Variants in GNAI1 observed in about 807,000 individuals in gnomAD.
GNAI1 encodes G protein subunit alpha i1.
Under a neutral mutation model 38.9 loss-of-function variants are expected in GNAI1, and 11 were observed. The ratio of observed to expected loss-of-function variants is 0.28; its 90% CI spans 0.18 to 0.47. The LOEUF (loss-of-function observed/expected upper bound fraction) is 0.47, where lower values mean the gene tolerates loss of function less well. GNAI1 is among the 20% of genes least tolerant of loss of function. The pLI, the probability that GNAI1 is intolerant of heterozygous loss-of-function variation, is 0.99. For synonymous variants in GNAI1, 166 were observed against 145.1 expected, an observed-to-expected ratio of 1.14 and a Z score of -1.04; for missense variants, 317 against 436.9, an observed-to-expected ratio of 0.73 and a Z score of 2.45.
chr7:80,152,649 C>T (rs1055059033), intron 1 of GNAI1, among the ~76,000 whole-genome samples: 1 of 146,586 alleles, frequency 6.8e-6, no homozygotes, highest in African/African-American at 2.5e-5. Flanking sequence ...CAACCTCCAA[C>T]TTCCGGGTTC....
intron 1 of GNAI1, among the ~76,000 whole-genome samples, chr7:80,164,039 C>CTT (rs35826632): frequency 0.017 from 1,079 of 62,942 alleles, 114 homozygotes; most frequent in African/African-American, 0.03. Flanking sequence ...CTGGTGCTTT[C>CTT]TTTTTTTTTT....
At chr7:80,210,878 A>C in intron 5 of GNAI1, 91 bp from the exon 6 acceptor site, 1 of 1,089,934 alleles carries the variant, frequency 9.2e-7, no homozygotes, top group Non-Finnish European at 1.3e-6. Flanking sequence ...CATTTCCACA[A>C]CTATTCAGAG....
chr7:80,159,208 G>T (rs1255523283), intron 1 of GNAI1, among the ~76,000 whole-genome samples: 1 of 152,002 alleles, frequency 6.6e-6, no homozygotes, highest in Non-Finnish European at 1.5e-5. Context: ...ACAATTTTTT[G>T]GGGGGGCTTA....
intron 1 of GNAI1, among the ~76,000 whole-genome samples, chr7:80,178,911 C>G (rs561340000): frequency 1.6e-4 from 24 of 152,250 alleles, no homozygotes; most frequent in African/African-American, 5.1e-4. Flanking sequence ...ATAAGACTAT[C>G]CATAATTATA....
intron 3 of GNAI1, among the ~76,000 whole-genome samples, chr7:80,198,903 T>C (rs980339168): frequency 2.6e-5 from 4 of 152,170 alleles, no homozygotes; most frequent in Non-Finnish European, 5.9e-5. Context: ...AAAATGATCA[T>C]CTTCAATACA....
intron 1 of GNAI1, among the ~76,000 whole-genome samples, chr7:80,164,972 A>C (rs768803743): frequency 2.0e-5 from 3 of 152,228 alleles, no homozygotes; most frequent in Non-Finnish European, 4.4e-5. Flanking sequence ...GAAAAAGCTA[A>C]AGATGACATT....
chr7:80,207,310 A>C (rs1788792828), intron 5 of GNAI1, among the ~76,000 whole-genome samples: 1 of 152,168 alleles, frequency 6.6e-6, no homozygotes, highest in East Asian at 1.9e-4. Context: ...ACTCTTAAAC[A>C]TTTATTTCAG....
chr7:80,187,700 TCAAA>T (rs746650352), intron 1 of GNAI1, among the ~76,000 whole-genome samples: 68 of 152,262 alleles, frequency 4.5e-4, no homozygotes, highest in Admixed American at 1.4e-3. Context: ...GCCCGGTGTC[TCAAA>T]CAGTCATAAA....
At chr7:80,162,724 C>A (rs188555936) in intron 1 of GNAI1, among the ~76,000 whole-genome samples, 14 of 152,256 alleles carry the variant, frequency 9.2e-5, no homozygotes, top group Admixed American at 9.2e-4. Flanking sequence ...GGTTAAGATA[C>A]ATACCTGGGA....
chr7:80,210,937 A>G lies in GNAI1; in HGVS notation c.591-32A>G, dbSNP rs898219537. 4.4e-6 allele frequency: 7 copies of G among 1,600,370 alleles called. No homozygotes were observed. The African/African-American group carries it at 9.4e-5, about 21-fold the overall frequency. On this transcript the variant is annotated intron_variant, in intron 5 of 7. Coordinates refer to ENST00000649796, the MANE Select transcript of GNAI1 (RefSeq NM_002069.6). ...CTTCTCAGAGCTTTTTGAACATTTA[A>G]TGTGATGTTAACTCATTTCTCCTCT...
chr7:80,207,242 A>G (rs1788791161), intron 5 of GNAI1, among the ~76,000 whole-genome samples: 1 of 152,132 alleles, frequency 6.6e-6, no homozygotes, highest in African/African-American at 2.4e-5. Context: ...TAAATCGATT[A>G]TTTGGTACTT....
intron 5 of GNAI1, among the ~76,000 whole-genome samples, chr7:80,204,591 G>A (rs1056067133): frequency 6.6e-6 from 1 of 152,116 alleles, no homozygotes; most frequent in African/African-American, 2.4e-5. Context: ...GTTTTCATTT[G>A]CAGAGTCTTG....
In GNAI1 at chr7:80,189,238, TATTAA is replaced by T. The variant is rs1246050245; in HGVS notation, c.303+11_303+15del. On this transcript the variant is annotated splice_region_variant and intron_variant, in intron 3 of 7. Coordinates refer to ENST00000649796, the MANE Select transcript of GNAI1 (RefSeq NM_002069.6). ...TGGTGACTCAGCCCGGGCGGTAAGT[TATTAA>T]ATTTGTTGGAGCTGACCTGATGGGT... 1 of 1,610,822 alleles carries T rather than the reference TATTAA, an allele frequency of 6.2e-7. No individual in the cohort carries two copies. The highest frequency in any genetic ancestry group is 8.5e-7 in the Non-Finnish European group (1 of 1,178,680).
intron 1 of GNAI1, among the ~76,000 whole-genome samples, chr7:80,143,181 C>T (rs528756786): frequency 4.6e-4 from 70 of 152,222 alleles, no homozygotes; most frequent in African/African-American, 1.7e-3. Context: ...TCAAATTACG[C>T]ATTAGCCTTA....
chr7:80,138,141 T>A (rs977036547), intron 1 of GNAI1, among the ~76,000 whole-genome samples: 9 of 152,002 alleles, frequency 5.9e-5, no homozygotes, highest in African/African-American at 2.2e-4. Context: ...CACATGATGT[T>A]TTTTAAATTT....
chr7:80,199,406 T>A (rs1351834055), intron 4 of GNAI1, 24 bp downstream of exon 4: 1 of 1,530,498 alleles, frequency 6.5e-7, no homozygotes, highest in East Asian at 2.3e-5. Flanking sequence ...ACTTCAGAAC[T>A]AAACTATCAT....
rs577924903 is a variant in GNAI1, at chr7:80,165,238, T to C, written c.119-23713T>C. Among the ~76,000 whole-genome samples, 5 of 152,318 alleles carry C rather than the reference T, an allele frequency of 3.3e-5. No homozygotes were observed. In the South Asian group the frequency reaches 1.0e-3, roughly 32 times the overall value. ...AATAACATCAATTTTCATCTCTCAG[T>C]AATGTTGTACAGTGCTCCCAAAGGC... On this transcript the variant is annotated intron_variant, in intron 1 of 7. Transcript: ENST00000649796.
intron 1 of GNAI1, among the ~76,000 whole-genome samples, chr7:80,138,834 T>C (rs1787472257): frequency 6.6e-6 from 1 of 152,064 alleles, no homozygotes; most frequent in Admixed American, 6.5e-5. Context: ...TTCAGCTTGG[T>C]TTAAATATTC....
intron 1 of GNAI1, among the ~76,000 whole-genome samples, chr7:80,160,284 C>T (rs76694211): frequency 0.012 from 1,814 of 151,688 alleles, 35 homozygotes; most frequent in African/African-American, 0.041. Context: ...CCCAGCTTCT[C>T]TGTAAATTTT....
Sources: allele counts gnomAD v4.1 joint callset (sites outside exome capture counted in the v4.1 genomes callset), GRCh38; gene constraint gnomAD v4.1.1; transcripts MANE v1.5; gene names NCBI Gene and HGNC (gene_info 2026-07-23, HGNC 2026-07-21).